RGS8: variants seen among roughly 807,000 people sequenced by gnomAD.
RGS8 encodes regulator of G protein signaling 8, also known as regulator of G-protein signaling 8.
A neutral mutation model predicts 21.7 loss-of-function variants in RGS8; 8 were observed. The ratio of observed to expected loss-of-function variants is 0.37; its 90% CI spans 0.22 to 0.66. The LOEUF is 0.66. Ranked by LOEUF, RGS8 falls within the 30% of genes least tolerant of loss-of-function variation. The pLI is 0.59. For synonymous variants in RGS8, 80 were observed against 83.6 expected, an observed-to-expected ratio of 0.96 and a Z score of 0.24; for missense variants, 157 against 217.9, an observed-to-expected ratio of 0.72 and a Z score of 1.76.
chr1:182,720,999 GTATATA>G, the RGS8 span, among the ~76,000 whole-genome samples: 2 of 91,394 alleles, frequency 2.2e-5, no homozygotes, highest in African/African-American at 9.1e-5. Flanking sequence ...ATATATGTGT[GTATATA>G]TACATATATA....
At chr1:182,685,697 G>T (rs542294407), upstream of RGS8, among the ~76,000 whole-genome samples, 4 of 152,062 alleles carry the variant, frequency 2.6e-5, no homozygotes, top group Non-Finnish European at 5.9e-5. Context: ...CACTCTGGGC[G>T]TTCTCAGTCA....
At chr1:182,707,522 T>C in the RGS8 span, among the ~76,000 whole-genome samples, 1 of 152,142 alleles carries the variant, frequency 6.6e-6, no homozygotes, top group Non-Finnish European at 1.5e-5. Context: ...CCACCTCTAC[T>C]ATCACCGCCA....
the RGS8 span, among the ~76,000 whole-genome samples, chr1:182,696,648 C>G: frequency 1.3e-5 from 2 of 152,238 alleles, no homozygotes; most frequent in South Asian, 2.1e-4. Flanking sequence ...CCGTGCCAAG[C>G]CTCTGTTTAA....
chr1:182,661,789 C>T (rs1412109532), intron 5 of RGS8, among the ~76,000 whole-genome samples: 1 of 150,884 alleles, frequency 6.6e-6, no homozygotes, highest in Non-Finnish European at 1.5e-5. Flanking sequence ...AGCAGAAAGT[C>T]TCCTGAGTGT....
the RGS8 span, among the ~76,000 whole-genome samples, chr1:182,736,379 T>C: frequency 6.6e-6 from 1 of 152,234 alleles, no homozygotes; most frequent in Non-Finnish European, 1.5e-5. Context: ...AGTGTTTAGG[T>C]CAGATTTTTT....
upstream of RGS8, among the ~76,000 whole-genome samples, chr1:182,673,855 A>G (rs1292778538): frequency 1.3e-5 from 2 of 152,222 alleles, no homozygotes; most frequent in East Asian, 3.8e-4. Flanking sequence ...CTAATTCAAG[A>G]TATGTTTATA....
At chr1:182,682,134 C>T (rs17571773) in intron 1 of RGS8, among the ~76,000 whole-genome samples, 12,280 of 152,236 alleles carry the variant, frequency 0.081, 669 homozygotes, top group Non-Finnish European at 0.12. Flanking sequence ...GAAAATTGTT[C>T]TAAGTCATAA....
intron 5 of RGS8, among the ~76,000 whole-genome samples, chr1:182,664,028 C>T (rs1353389238): frequency 6.6e-6 from 1 of 152,116 alleles, no homozygotes; most frequent in Admixed American, 6.6e-5. Flanking sequence ...TTCCCAAAAA[C>T]CAAAAGCATC....
chr1:182,660,648 G>T (rs756426022), intron 5 of RGS8, among the ~76,000 whole-genome samples: 5 of 149,596 alleles, frequency 3.3e-5, no homozygotes, highest in African/African-American at 1.2e-4. Flanking sequence ...ACTTTGGAAA[G>T]CTTCCATACG....
chr1:182,727,680 T>C, the RGS8 span, among the ~76,000 whole-genome samples: 1 of 152,232 alleles, frequency 6.6e-6, no homozygotes, highest in South Asian at 2.1e-4. Context: ...TGTATTTTTC[T>C]ACTTTTTATT....
upstream of RGS8, chr1:182,672,730 G>A (rs1230438484): frequency 1.3e-6 from 2 of 1,489,742 alleles, no homozygotes; most frequent in Non-Finnish European, 9.4e-7. Context: ...TTGTTATGGA[G>A]TGAGACTTTT....
chr1:182,691,115 G>A, the RGS8 span, among the ~76,000 whole-genome samples: 1 of 152,230 alleles, frequency 6.6e-6, no homozygotes, highest in African/African-American at 2.4e-5. Flanking sequence ...TGATATAAGA[G>A]TGAGCCCAGC....
the RGS8 span, among the ~76,000 whole-genome samples, chr1:182,692,359 C>T: frequency 8.0e-4 from 122 of 152,094 alleles, no homozygotes; most frequent in African/African-American, 2.8e-3. Flanking sequence ...ATCAACAATG[C>T]AATCCCATTT....
rs372984593 is a variant in RGS8 at position 182,654,710 on chromosome 1, TA to T, written c.194-6408del. The stretch of plus-strand genomic sequence containing the variant: ...CTTGGAAAAGTAAATAAGAATGTGA[TA>T]AAAAAAAAACCGTCATACAATTGTA... On this transcript the variant is annotated intron_variant, in intron 5 of 6. Coordinates refer to ENST00000483095, the Ensembl canonical transcript of RGS8. 9.6e-3 allele frequency among the ~76,000 whole-genome samples: 1,429 copies of T among 149,048 alleles called. 20 individuals carry two copies. Among genetic ancestry groups the T allele is most frequent in the African/African-American group, 0.03 (1,233 of 40,584 alleles).
chr1:182,665,399 A>G (rs923996688), intron 5 of RGS8, among the ~76,000 whole-genome samples: 2 of 152,224 alleles, frequency 1.3e-5, no homozygotes, highest in Non-Finnish European at 2.9e-5. Context: ...GAGGAAGAGA[A>G]AAATGGAAAA....
rs1334497251 is a variant in RGS8, at chr1:182,669,824, G to A, written c.-103-72C>T. The A allele has an allele frequency of 5.6e-6, 8 of 1,437,068 alleles. No homozygotes were observed. In the East Asian group the frequency reaches 1.3e-4, roughly 23 times the overall value. The allele number at this position is 1,437,068 out of a possible 1,614,324, so 89.0% of individuals were successfully genotyped here. The stretch of plus-strand genomic sequence containing the variant: ...GACTGCACTACATTTCCTCTCAGAC[G>A]GGTTTCCGCCAGCGGAACACCTCCC... On this transcript the variant is annotated intron_variant, in intron 2 of 6. Transcript: ENST00000483095.
intron 3 of RGS8, 146 bp from the exon 5 acceptor site, chr1:182,667,119 A>T: frequency 1.5e-6 from 1 of 654,320 alleles, no homozygotes; most frequent in Non-Finnish European, 2.8e-6. Context: ...CATGAACAGG[A>T]AGAGACCACC....
At chr1:182,650,402 T>C (rs1161578322) in intron 5 of RGS8, among the ~76,000 whole-genome samples, 7 of 152,246 alleles carry the variant, frequency 4.6e-5, no homozygotes, top group African/African-American at 1.2e-4. Flanking sequence ...ATCTTTGTCT[T>C]TCAAAATACA....
chr1:182,730,541 C>A, the RGS8 span, among the ~76,000 whole-genome samples: 2 of 151,980 alleles, frequency 1.3e-5, no homozygotes, highest in African/African-American at 4.8e-5. Flanking sequence ...GAAACCACAT[C>A]TCTACTAAAA....
Sources: gnomAD v4.1 joint callset for allele counts (sites outside exome capture counted in the v4.1 genomes callset) on GRCh38, gnomAD v4.1.1 for gene constraint, MANE v1.5 for transcripts, NCBI Gene and HGNC (gene_info 2026-07-23, HGNC 2026-07-21) for gene names.